PRKAG3: variants seen among roughly 807,000 people sequenced by gnomAD.
PRKAG3 encodes the protein 5'-AMP-activated protein kinase subunit gamma-3.
In PRKAG3, 39 loss-of-function variants were observed where a neutral mutation model predicts 56.5. The ratio of observed to expected loss-of-function variants is 0.69; its 90% CI spans 0.53 to 0.90. The LOEUF is 0.90. PRKAG3 is among the 40% of genes least tolerant of loss of function. The probability of loss-of-function intolerance (pLI) is 0.00; values close to 1 mark genes in which losing one functional copy is unlikely to be tolerated. For synonymous variants in PRKAG3, 243 were observed against 250.1 expected (o/e 0.97, Z 0.27); for missense variants, 628 against 627.5 (o/e 1.00, Z -0.01).
chr2:218,823,753 C>G, exon 13 of PRKAG3: 1 of 1,613,878 alleles, frequency 6.2e-7, no homozygotes, highest in Non-Finnish European at 8.5e-7. Flanking sequence ...ATTGAGGACT[C>G]AGATCTTCTC....
In PRKAG3 at chr2:218,831,722, C is replaced by T. The variant is rs751680957; in HGVS notation, c.33+16G>A. The T allele has an allele frequency of 6.2e-7, 1 of 1,609,624 alleles. No individual in the cohort carries two copies. Among genetic ancestry groups the T allele is most frequent in the South Asian group, 1.1e-5 (1 of 89,704 alleles). On this transcript the variant is annotated intron_variant, in intron 1 of 12. Transcript: ENST00000529249. ...CCTCAGCTGCCCCGGCTCCGGCTCCCCTGGGACCCCCATACCCTGCGCAGT... is the reference window on the plus strand; with the variant it reads ...CCTCAGCTGCCCCGGCTCCGGCTCCTCTGGGACCCCCATACCCTGCGCAGT...
In PRKAG3 at chr2:218,827,437, C is replaced by G. The variant is rs1943950222; in HGVS notation, c.876-64G>C. On this transcript the variant is annotated intron_variant, in intron 8 of 12. Coordinates refer to ENST00000529249, the Ensembl canonical transcript of PRKAG3. This position sits in a 1 kb window ranked among gnomAD's most constrained non-coding sequence, Gnocchi z 5.3. ...GGAGAGACAACCTCCATCCCAGGCC[C>G]CTAAAAAGGAGGGCAGGGCACCAAG... The G allele has an allele frequency of 9.3e-6, 15 of 1,611,304 alleles. 1 individual carries two copies. In the South Asian group the frequency reaches 1.3e-4, roughly 14 times the overall value.
chr2:218,830,445 G>A (rs1457126151), intron 3 of PRKAG3, 64 bp from the exon 4 acceptor site: 3 of 1,543,656 alleles, frequency 1.9e-6, no homozygotes, highest in African/African-American at 2.7e-5. Context: ...CTCATCTGCT[G>A]TCGCCATTCA....
Position 218,827,755 on chromosome 2 carries a change from T to G in PRKAG3, c.820+78A>C, listed in dbSNP as rs372834106. On this transcript the variant is annotated intron_variant, in intron 7 of 12. Transcript: ENST00000529249. The surrounding 1 kb of genome is among the most constrained non-coding windows in gnomAD (Gnocchi z 5.3). Reference sequence around the variant, plus strand: ...TCCCTCCCCTGTTCACTCCAGGACATCCCCACTGCCCATCCTCCACCTTAA... The same window carrying G: ...TCCCTCCCCTGTTCACTCCAGGACAGCCCCACTGCCCATCCTCCACCTTAA... The G allele has an allele frequency of 8.1e-5, 127 of 1,569,032 alleles. No homozygotes were observed. The highest frequency in any genetic ancestry group is 1.0e-4 in the Non-Finnish European group (119 of 1,139,942).
intron 11 of PRKAG3, 48 bp from the exon 12 acceptor site, chr2:218,824,416 C>T: frequency 1.9e-6 from 3 of 1,613,838 alleles, no homozygotes; most frequent in Non-Finnish European, 1.7e-6. Flanking sequence ...CTTGCCTGGG[C>T]TCCTACCCTA....
exon 4 of PRKAG3, chr2:218,830,070 C>A (rs570196271): frequency 1.2e-6 from 2 of 1,613,008 alleles, no homozygotes; most frequent in South Asian, 2.2e-5. Context: ...TAGATCTGGG[C>A]GCCGGGTTTC....
chr2:218,824,332 T>A, exon 12 of PRKAG3: 2 of 1,614,100 alleles, frequency 1.2e-6, no homozygotes, highest in South Asian at 1.1e-5. Context: ...CCCACACTCA[T>A]GTCCAGGTGG....
In PRKAG3 at chr2:218,827,570, C is replaced by A. The variant is rs1354420517; in HGVS notation, c.875+5G>T. Reference sequence around the variant, plus strand: ...AGGCTCAGGTGAATGAGCAGAGACACCCACCTATCATTAGGAGAGATGGAG... The same window carrying A: ...AGGCTCAGGTGAATGAGCAGAGACAACCACCTATCATTAGGAGAGATGGAG... On this transcript the variant is annotated splice_donor_5th_base_variant and intron_variant, in intron 8 of 12. Transcript: ENST00000529249. The surrounding 1 kb of genome is among the most constrained non-coding windows in gnomAD (Gnocchi z 5.3). 1 of 1,613,024 alleles carries A rather than the reference C, an allele frequency of 6.2e-7. No homozygotes were observed. Among genetic ancestry groups the A allele is most frequent in the African/African-American group, 1.3e-5 (1 of 74,858 alleles).
intron 4 of PRKAG3, among the ~76,000 whole-genome samples, chr2:218,829,114 C>T (rs1373928588): frequency 6.6e-6 from 1 of 152,088 alleles, no homozygotes; most frequent in Non-Finnish European, 1.5e-5. Flanking sequence ...CTGAAATAGA[C>T]ATATTTTTTC....
intron 3 of PRKAG3, 105 bp from the exon 4 acceptor site, chr2:218,830,486 T>G (rs779319295): frequency 9.2e-5 from 132 of 1,428,238 alleles, no homozygotes; most frequent in Non-Finnish European, 1.2e-4. Context: ...GCCTGGATGC[T>G]GTGGCCCTAT....
chr2:218,823,704 G>T, exon 13 of PRKAG3: 1 of 1,611,116 alleles, frequency 6.2e-7, no homozygotes, highest in Non-Finnish European at 8.5e-7. Flanking sequence ...GAGTTCTCCA[G>T]TTCCCTTCAT....
At position 218,823,970 on chromosome 2, in the gene PRKAG3, C is replaced by A. The variant is rs1305759373; in HGVS notation, c.1354-92G>T. 15 of 1,346,530 alleles carry A rather than the reference C, an allele frequency of 1.1e-5. No homozygotes were observed. The Admixed American group carries it at 2.5e-4, about 23-fold the overall frequency. The allele number at this position is 1,346,530 out of a possible 1,614,324, so 83.4% of individuals were successfully genotyped here. A position where few individuals can be genotyped will look rare whatever the true frequency, so the allele number is the denominator to read the frequency against. On this transcript the variant is annotated intron_variant, in intron 12 of 12. Coordinates refer to ENST00000529249, the Ensembl canonical transcript of PRKAG3. The stretch of plus-strand genomic sequence containing the variant: ...CCAAGAATCAGGGGAAACAACCCAA[C>A]ATGACTGAGGGAGAGAGCGTCTCCT...
chr2:218,828,843 A>G (rs999431920), intron 4 of PRKAG3, among the ~76,000 whole-genome samples: 1 of 152,202 alleles, frequency 6.6e-6, no homozygotes, highest in South Asian at 2.1e-4. Flanking sequence ...GCCTGAGACC[A>G]TGAGCCCCTC....
At chr2:218,831,474 C>T (rs1944018835) in intron 1 of PRKAG3, 99 bp from the exon 2 acceptor site, 2 of 1,173,842 alleles carry the variant, frequency 1.7e-6, no homozygotes, top group East Asian at 2.6e-5. Flanking sequence ...CACACCAATA[C>T]ACACGCTCAG....
In PRKAG3 at chr2:218,827,094, C is replaced by G; in HGVS notation, c.1003-1G>C. The G allele has an allele frequency of 6.2e-7, 1 of 1,613,108 alleles. No homozygotes were observed. The highest frequency in any genetic ancestry group is 8.5e-7 in the Non-Finnish European group (1 of 1,180,028). On this transcript the variant is annotated splice_acceptor_variant, in intron 9 of 12. Coordinates refer to ENST00000529249, the Ensembl canonical transcript of PRKAG3. LOFTEE classifies it high-confidence loss of function. The surrounding 1 kb of genome is among the most constrained non-coding windows in gnomAD (Gnocchi z 5.3). ...AGGAGGGCCGGGGCAGCAGGGAACC[C>G]TGGTTAGGATGGGGACCAGGTGGAG...
chr2:218,824,542 C>T, exon 11 of PRKAG3: 2 of 1,613,098 alleles, frequency 1.2e-6, no homozygotes, highest in South Asian at 2.2e-5. Flanking sequence ...CACTTACAAT[C>T]ACATCAAAGC....
downstream of PRKAG3, chr2:218,822,999 C>G (rs1300120249): frequency 5.9e-5 from 58 of 984,986 alleles, no homozygotes; most frequent in Non-Finnish European, 6.9e-5. Context: ...ATTTCATCAT[C>G]CCATGGTGCA....
chr2:218,828,457 A>G lies in PRKAG3; in HGVS notation c.715+62T>C, dbSNP rs956600281. 4.7e-6 allele frequency: 7 copies of G among 1,477,988 alleles called. No homozygotes were observed. In the African/African-American group the frequency reaches 8.4e-5, roughly 18 times the overall value. The allele number at this position is 1,477,988 out of a possible 1,614,324, so 91.6% of individuals were successfully genotyped here. The stretch of plus-strand genomic sequence containing the variant: ...GTATATCAGAGATCAGCCCCAGAAC[A>G]ACCGTACAAGATCTCCCCCTCACCT... On this transcript the variant is annotated intron_variant, in intron 5 of 12. Transcript: ENST00000529249.
In PRKAG3 at chr2:218,827,487, G is replaced by C; in HGVS notation, c.875+88C>G. ...GGCTCCCTTGTCTGTGTGCCGCCTA[G>C]GATGAAGAGGTGAGTTCAGAGCTGA... On this transcript the variant is annotated intron_variant, in intron 8 of 12. Coordinates refer to ENST00000529249, the Ensembl canonical transcript of PRKAG3. This position sits in a 1 kb window ranked among gnomAD's most constrained non-coding sequence, Gnocchi z 5.3. The C allele has an allele frequency of 6.2e-7, 1 of 1,600,774 alleles. No homozygotes were observed. Among genetic ancestry groups the C allele is most frequent in the East Asian group, 2.2e-5 (1 of 44,820 alleles).
Sources: gnomAD v4.1 joint callset for allele counts (sites outside exome capture counted in the v4.1 genomes callset) on GRCh38, gnomAD v4.1.1 for gene constraint, Gnocchi (gnomAD v3.1) non-coding constraint, MANE v1.5 for transcripts, NCBI Gene and HGNC (gene_info 2026-07-23, HGNC 2026-07-21) for gene names.